Variants in NAV3 observed in about 807,000 individuals in gnomAD.
The protein encoded by NAV3 is pore membrane and/or filament interacting like protein 1.
A neutral mutation model predicts 244.7 loss-of-function variants in NAV3; 87 were observed. The ratio of observed to expected loss-of-function variants is 0.36; its 90% CI spans 0.30 to 0.42. NAV3 has a LOEUF of 0.42. Ranked by LOEUF, NAV3 falls within the 20% of genes least tolerant of loss-of-function variation. NAV3 has a pLI of 1.00. For synonymous variants in NAV3, 1,126 were observed against 1,042.2 expected (o/e 1.08, Z -1.55); for missense variants, 2,663 against 2,893.3 (o/e 0.92, Z 1.83).
At position 78,212,186 on chromosome 12, in the gene NAV3, A is replaced by G. The variant is rs1017463592; in HGVS notation, c.*1669A>G. ...AAAACTGTCTGAAAGTACATCTGTC[A>G]TGGCAGGCTTTAAAGAGAGTGCATG... On this transcript the variant is annotated 3_prime_UTR_variant, in exon 40 of 40. Transcript: ENST00000397909. 1.8e-4 allele frequency: 28 copies of G among 152,752 alleles called. No homozygotes were observed. Among genetic ancestry groups the G allele is most frequent in the African/African-American group, 6.7e-4 (28 of 41,576 alleles). 9.5% of individuals were successfully genotyped at this position (152,752 alleles called of 1,614,324 possible).
intron 1 of NAV3, among the ~76,000 whole-genome samples, chr12:77,837,561 G>A (rs993925854): frequency 6.6e-6 from 1 of 152,090 alleles, no homozygotes; most frequent in Non-Finnish European, 1.5e-5. Flanking sequence ...GCTTAGAGAG[G>A]TTAAATTACT....
intron 9 of NAV3, among the ~76,000 whole-genome samples, chr12:78,023,807 A>G (rs1203671209): frequency 6.6e-6 from 1 of 152,162 alleles, no homozygotes; most frequent in Non-Finnish European, 1.5e-5. Context: ...ATTTTGGTTT[A>G]TGGGTCACTA....
intron 26 of NAV3, among the ~76,000 whole-genome samples, chr12:78,176,787 G>A (rs1958246013): frequency 6.6e-6 from 1 of 152,046 alleles, no homozygotes; most frequent in South Asian, 2.1e-4. Context: ...TGACTTGATT[G>A]TAGCGCTAAA....
At chr12:77,718,071 G>T (rs1298938652) in intron 2 of NAV3, among the ~76,000 whole-genome samples, 2 of 152,078 alleles carry the variant, frequency 1.3e-5, no homozygotes, top group African/African-American at 4.8e-5. Context: ...GCAAAAGCTT[G>T]TTGGTTAGAT....
chr12:77,673,095 A>G (rs1216007384), intron 2 of NAV3, among the ~76,000 whole-genome samples: 1 of 152,178 alleles, frequency 6.6e-6, no homozygotes, highest in Non-Finnish European at 1.5e-5. Flanking sequence ...ATTTTGCTAT[A>G]TACATTTTTA....
Position 77,628,733 on chromosome 12 carries a change from T to C in NAV3, c.72+56467T>C, listed in dbSNP as rs549921530. Among the ~76,000 whole-genome samples the C allele has an allele frequency of 3.9e-3, 586 of 149,664 alleles. 2 individuals are homozygous for C. The highest frequency in any genetic ancestry group is 0.013 in the African/African-American group (546 of 40,654). On this transcript the variant is annotated intron_variant, in intron 2 of 8. Coordinates refer to the NAV3 transcript ENST00000550042. ...ACCCTATCTCTACTAAAAAAAAAAATACAAAAAATTAGCCGGGCACGGTGG... is the reference window on the plus strand; with the variant it reads ...ACCCTATCTCTACTAAAAAAAAAAACACAAAAAATTAGCCGGGCACGGTGG...
intron 32 of NAV3, 71 bp downstream of exon 32, chr12:78,188,414 A>G (rs1958822910): frequency 9.0e-6 from 12 of 1,337,568 alleles, no homozygotes; most frequent in Non-Finnish European, 1.3e-5. Flanking sequence ...CATAACTTCA[A>G]TAGCAGAGAC....
At chr12:77,640,155 C>T (rs1872343176) in intron 2 of NAV3, among the ~76,000 whole-genome samples, 1 of 151,838 alleles carries the variant, frequency 6.6e-6, no homozygotes, top group African/African-American at 2.4e-5. Context: ...TATTAAACTT[C>T]TAGAAAAGTA....
chr12:78,205,614 G>T (rs950554550), intron 39 of NAV3, among the ~76,000 whole-genome samples: 32 of 152,084 alleles, frequency 2.1e-4, no homozygotes, highest in African/African-American at 7.7e-4. Context: ...AACTGACTTG[G>T]AAGTCAAATG....
intron 3 of NAV3, among the ~76,000 whole-genome samples, chr12:77,949,319 T>G (rs1340119574): frequency 6.6e-6 from 1 of 152,086 alleles, no homozygotes; most frequent in Non-Finnish European, 1.5e-5. Context: ...AAACCTATAA[T>G]GGAACTGCGT....
intron 2 of NAV3, among the ~76,000 whole-genome samples, chr12:77,686,502 A>ATTGTT (rs1343345199): frequency 6.8e-6 from 1 of 147,458 alleles, no homozygotes; most frequent in East Asian, 2.0e-4. Flanking sequence ...TGTTTAAAAA[A>ATTGTT]TTGTTTTATA....
chr12:77,654,354 A>G (rs189297064), intron 2 of NAV3, among the ~76,000 whole-genome samples: 180 of 152,304 alleles, frequency 1.2e-3, no homozygotes, highest in African/African-American at 3.4e-3. Flanking sequence ...GCTGATTGCT[A>G]GTACAGCAGT....
chr12:77,581,149 T>C (rs2136676924), intron 2 of NAV3, among the ~76,000 whole-genome samples: 1 of 152,310 alleles, frequency 6.6e-6, no homozygotes, highest in South Asian at 2.1e-4. Flanking sequence ...ATTTGTTGCA[T>C]GATCTACATG....
upstream of NAV3, among the ~76,000 whole-genome samples, chr12:77,827,079 A>C (rs1237865986): frequency 6.6e-6 from 1 of 151,982 alleles, no homozygotes. Context: ...CTAAAAATAC[A>C]AAAATTAGCC....
chr12:77,658,109 G>A (rs1873217637), intron 2 of NAV3, among the ~76,000 whole-genome samples: 1 of 152,022 alleles, frequency 6.6e-6, no homozygotes, highest in African/African-American at 2.4e-5. Context: ...TCTGGCCAGG[G>A]CAATTAGGCA....
intron 2 of NAV3, among the ~76,000 whole-genome samples, chr12:77,610,003 G>A (rs1592501145): frequency 6.6e-6 from 1 of 151,930 alleles, no homozygotes; most frequent in African/African-American, 2.4e-5. Context: ...TTGAATGAAC[G>A]TCAACCACAG....
chr12:77,654,612 C>G (rs1266902812), intron 2 of NAV3, among the ~76,000 whole-genome samples: 1 of 152,110 alleles, frequency 6.6e-6, no homozygotes, highest in Non-Finnish European at 1.5e-5. Context: ...GTGGTTCTCC[C>G]AGCACGCAGC....
At chr12:78,175,008 A>G (rs961047445) in intron 24 of NAV3, among the ~76,000 whole-genome samples, 5 of 152,030 alleles carry the variant, frequency 3.3e-5, no homozygotes, top group Non-Finnish European at 7.4e-5. Context: ...TGATCCAGGT[A>G]TTCAGTAGAA....
intron 2 of NAV3, among the ~76,000 whole-genome samples, chr12:77,689,400 A>G (rs1405782479): frequency 2.6e-5 from 4 of 151,946 alleles, no homozygotes; most frequent in African/African-American, 9.7e-5. Flanking sequence ...AACTAAAAAT[A>G]TCAGCCTCTT....
Sources: allele counts gnomAD v4.1 joint callset (sites outside exome capture counted in the v4.1 genomes callset), GRCh38; gene constraint gnomAD v4.1.1; transcripts MANE v1.5; gene names NCBI Gene and HGNC (gene_info 2026-07-23, HGNC 2026-07-21).